The following NLN variants were observed in gnomAD, a reference collection of about 807,000 sequenced individuals.
NLN encodes neurolysin, mitochondrial.
In NLN, 64 loss-of-function variants were observed where a neutral mutation model predicts 79.9. The observed-to-expected ratio is 0.80, with a 90% CI of 0.65 to 0.99. The LOEUF is 0.99. NLN is among the 50% of genes least tolerant of loss of function. The pLI, the probability that NLN is intolerant of heterozygous loss-of-function variation, is 0.00. For missense variants in NLN, 835 were observed against 858.7 expected (o/e 0.97, Z 0.34); for synonymous variants, 267 against 296.6 (o/e 0.90, Z 1.02).
In NLN at chr5:65,788,207, T is replaced by C. The variant is rs1759978335; in HGVS notation, c.1048T>C (p.Phe350Leu). 3 of 1,614,122 alleles carry C rather than the reference T, an allele frequency of 1.9e-6. No homozygotes were observed. The highest frequency in any genetic ancestry group is 3.3e-4 in the Middle Eastern group (2 of 6,060). ...GAAAAAGGAATGCAAAGACAGGGGT[T>C]TTGAATATGATGGGAAAATCAATGC... The part of the protein sequence containing the change: ...LKKKECKDRG[F>L]EYDGKINAWD... Residue 350 changes from phenylalanine (F) to leucine (L), a missense_variant, in exon 8 of 13, where the codon TTT becomes CTT. Transcript: ENST00000380985.
chr5:65,785,743 G>A lies in NLN; in HGVS notation c.823-32G>A, dbSNP rs772364902. ...GTGCTTTGGATCAAATTATTGATTA[G>A]CCTTTATTTTGTTGCTGTTGTTTAT... On this transcript the variant is annotated intron_variant, in intron 6 of 12. Coordinates refer to ENST00000380985, the MANE Select transcript of NLN (RefSeq NM_020726.5). 8 of 1,588,150 alleles carry A rather than the reference G, an allele frequency of 5.0e-6. No homozygotes were observed. In the South Asian group the frequency reaches 8.9e-5, roughly 18 times the overall value.
intron 1 of NLN, among the ~76,000 whole-genome samples, chr5:65,723,814 CAAAA>C (rs760572199): frequency 5.4e-5 from 3 of 55,314 alleles, no homozygotes; most frequent in African/African-American, 1.3e-4. Flanking sequence ...GACTCCGTCT[CAAAA>C]AAAAAAAAAA....
intron 9 of NLN, among the ~76,000 whole-genome samples, chr5:65,796,764 G>A (rs1199130200): frequency 6.6e-6 from 1 of 152,216 alleles, no homozygotes; most frequent in Admixed American, 6.5e-5. Flanking sequence ...GGATGATAGT[G>A]AAAACAGAGA....
chr5:65,728,259 ATTC>A (rs962930477), intron 1 of NLN, among the ~76,000 whole-genome samples: 1 of 152,084 alleles, frequency 6.6e-6, no homozygotes, highest in Non-Finnish European at 1.5e-5. Flanking sequence ...TGATATTGTT[ATTC>A]TTTTATAATT....
Position 65,806,413 on chromosome 5 carries a change from T to C in NLN, c.1528-3102T>C, listed in dbSNP as rs143250285. Among the ~76,000 whole-genome samples, 43 of 152,270 alleles carry C rather than the reference T, an allele frequency of 2.8e-4. 1 individual carries two copies. Among genetic ancestry groups the C allele is most frequent in the East Asian group, 2.7e-3 (14 of 5,186 alleles). On this transcript the variant is annotated intron_variant, in intron 9 of 12. Transcript: ENST00000380985. ...ATGGGAAGAGATCAAAATATCAACA[T>C]TAACAGAAATTTGTAAGAAATTGAT... is the stretch of plus-strand genomic sequence containing the variant.
chr5:65,808,795 A>G (rs1429288963), intron 9 of NLN, among the ~76,000 whole-genome samples: 1 of 152,180 alleles, frequency 6.6e-6, no homozygotes, highest in African/African-American at 2.4e-5. Flanking sequence ...CCACTTGCCA[A>G]TTAATTTACA....
At chr5:65,737,110 T>A (rs925249998) in intron 1 of NLN, among the ~76,000 whole-genome samples, 2 of 152,012 alleles carry the variant, frequency 1.3e-5, no homozygotes, top group Admixed American at 6.6e-5. Context: ...GTCCAGCCTA[T>A]GCGACAGAGG....
chr5:65,791,386 C>T (rs1760054559), intron 8 of NLN, among the ~76,000 whole-genome samples: 1 of 152,148 alleles, frequency 6.6e-6, no homozygotes, highest in South Asian at 2.1e-4. Flanking sequence ...GGGAAAACCC[C>T]ATCTCTACTA....
At chr5:65,804,525 A>G (rs1235065609) in intron 9 of NLN, among the ~76,000 whole-genome samples, 1 of 152,026 alleles carries the variant, frequency 6.6e-6, no homozygotes, top group Non-Finnish European at 1.5e-5. Context: ...GATTCTCACA[A>G]TATTTCACTT....
At chr5:65,750,240 TACA>T (rs1425689216) in intron 1 of NLN, among the ~76,000 whole-genome samples, 1 of 152,262 alleles carries the variant, frequency 6.6e-6, no homozygotes, top group African/African-American at 2.4e-5. Flanking sequence ...ACCCACTTAC[TACA>T]AGTGGCTATT....
At chr5:65,802,845 C>G (rs1408637583) in intron 9 of NLN, among the ~76,000 whole-genome samples, 1 of 151,918 alleles carries the variant, frequency 6.6e-6, no homozygotes, top group African/African-American at 2.4e-5. Flanking sequence ...GGGTTCAGCT[C>G]TCAGCAGAGA....
At chr5:65,763,184 A>G in intron 3 of NLN, 76 bp downstream of exon 3, 1 of 1,253,584 alleles carries the variant, frequency 8.0e-7, no homozygotes, top group Non-Finnish European at 1.1e-6. Context: ...TAAATAAAAC[A>G]TACTGACTGG....
At chr5:65,774,730 T>TA (rs769804353) in intron 3 of NLN, among the ~76,000 whole-genome samples, 32,762 of 130,478 alleles carry the variant, frequency 0.25, 4,097 homozygotes, top group South Asian at 0.36. Context: ...TATATATATA[T>TA]TTTTTTTTTT....
At chr5:65,760,906 A>G (rs1402807583) in intron 2 of NLN, among the ~76,000 whole-genome samples, 1 of 152,146 alleles carries the variant, frequency 6.6e-6, no homozygotes, top group Non-Finnish European at 1.5e-5. Flanking sequence ...CAAGTTTGTG[A>G]TGTTTGTTCT....
chr5:65,810,514 G>A (rs945691574), intron 11 of NLN, among the ~76,000 whole-genome samples: 1 of 152,220 alleles, frequency 6.6e-6, no homozygotes, highest in African/African-American at 2.4e-5. Flanking sequence ...ATTGGCAGAA[G>A]GGGAACTTTT....
chr5:65,779,036 T>C (rs1260773183), intron 4 of NLN, among the ~76,000 whole-genome samples: 1 of 152,100 alleles, frequency 6.6e-6, no homozygotes, highest in East Asian at 1.9e-4. Context: ...CTATGTGAAC[T>C]ACATGGGCGC....
rs762668426 is a variant in NLN at position 65,780,245 on chromosome 5, GATGA to G, written c.626_629del (p.Asp209ValfsTer22). 1.3e-5 allele frequency: 19 copies of G among 1,472,834 alleles called. No individual in the cohort carries two copies. The highest frequency in any genetic ancestry group is 1.6e-5 in the Non-Finnish European group (17 of 1,064,248). 91.2% of individuals were successfully genotyped at this position (1,472,834 alleles called of 1,614,324 possible). Reference sequence around the variant, plus strand: ...TGATTTTAACAAAAACCTCAATGAGGATGATACCTTCCTTGTATTTTCCAAGGCT... The same window carrying G: ...TGATTTTAACAAAAACCTCAATGAGGTACCTTCCTTGTATTTTCCAAGGCT... On this transcript the variant is annotated frameshift_variant, in exon 5 of 13. Coordinates refer to ENST00000380985, the MANE Select transcript of NLN (RefSeq NM_020726.5). LOFTEE classifies it high-confidence loss of function.
At position 65,773,127 on chromosome 5, in the gene NLN, A is replaced by ATTT. The variant is rs757202934; in HGVS notation, c.451-4282_451-4280dup. Among the ~76,000 whole-genome samples, 32 of 96,584 alleles carry ATTT rather than the reference A, an allele frequency of 3.3e-4. 2 individuals carry two copies. The highest frequency in any genetic ancestry group is 1.2e-3 in the African/African-American group (28 of 23,712). The allele number at this position is 96,584 out of a possible 152,430, so 63.4% of individuals were successfully genotyped here. A position where few individuals can be genotyped will look rare whatever the true frequency, so the allele number is the denominator to read the frequency against. On this transcript the variant is annotated intron_variant, in intron 3 of 12. Transcript: ENST00000380985. ...GCCACCACACCCAGCCCTGAATTCT[A>ATTT]TTTTTTTTTTTTTTTTTTTTCTGCA...
chr5:65,791,702 GACAGAGCAAGA>G (rs1760064056), intron 8 of NLN, among the ~76,000 whole-genome samples: 1 of 150,786 alleles, frequency 6.6e-6, no homozygotes, highest in Non-Finnish European at 1.5e-5. Flanking sequence ...CAGCCTGGAT[GACAGAGCAAGA>G]CTCTGTCTCA....
Sources: gnomAD v4.1 joint callset for allele counts (sites outside exome capture counted in the v4.1 genomes callset) on GRCh38, gnomAD v4.1.1 for gene constraint, MANE v1.5 for transcripts, NCBI Gene and HGNC (gene_info 2026-07-23, HGNC 2026-07-21) for gene names.